Variants in PPP3CA observed in about 807,000 individuals in gnomAD.
PPP3CA encodes the protein protein phosphatase 3 catalytic subunit alpha.
A neutral mutation model predicts 66.5 loss-of-function variants in PPP3CA; 14 were observed. The ratio of observed to expected loss-of-function variants is 0.21; its 90% CI spans 0.14 to 0.33. PPP3CA has a LOEUF of 0.33. Among genes scored for constraint, PPP3CA ranks in the 10% least tolerant of loss-of-function variants. The pLI is 1.00. For missense variants in PPP3CA, 317 were observed against 639.5 expected, an observed-to-expected ratio of 0.50 and a Z score of 5.44; for synonymous variants, 232 against 226.2, an observed-to-expected ratio of 1.03 and a Z score of -0.23.
intron 1 of PPP3CA, among the ~76,000 whole-genome samples, chr4:101,307,168 C>CA (rs1331785893): frequency 0.096 from 7,443 of 77,132 alleles, 442 homozygotes; most frequent in African/African-American, 0.23. Context: ...CACTTTGAAC[C>CA]AAAAAAAAAA....
chr4:101,161,557 C>T (rs1723508205), intron 2 of PPP3CA, among the ~76,000 whole-genome samples: 1 of 152,070 alleles, frequency 6.6e-6, no homozygotes, highest in African/African-American at 2.4e-5. Flanking sequence ...GATTCATTAG[C>T]TCTAGAAGAC....
chr4:101,071,120 C>A (rs1728899215), intron 8 of PPP3CA, among the ~76,000 whole-genome samples: 1 of 152,230 alleles, frequency 6.6e-6, no homozygotes, highest in East Asian at 1.9e-4. Context: ...TCACCTTGCT[C>A]TCATTCAGTG....
chr4:101,187,446 G>A (rs1158456738), intron 2 of PPP3CA, among the ~76,000 whole-genome samples: 4 of 152,002 alleles, frequency 2.6e-5, no homozygotes, highest in Non-Finnish European at 5.9e-5. Flanking sequence ...CCTCAATTCA[G>A]AGTCTCAAGT....
chr4:101,344,620 G>A (rs925207176), intron 1 of PPP3CA, among the ~76,000 whole-genome samples: 9 of 152,240 alleles, frequency 5.9e-5, no homozygotes, highest in African/African-American at 1.4e-4. Flanking sequence ...AAAATGAAAA[G>A]TCATTTATAA....
intron 1 of PPP3CA, among the ~76,000 whole-genome samples, chr4:101,287,045 T>C (rs1295564331): frequency 6.6e-6 from 1 of 151,854 alleles, no homozygotes; most frequent in Non-Finnish European, 1.5e-5. Flanking sequence ...AAAAAAAGTA[T>C]GTGTGTAATA....
chr4:101,198,102 A>G (rs1275202490), intron 1 of PPP3CA, among the ~76,000 whole-genome samples: 1 of 152,182 alleles, frequency 6.6e-6, no homozygotes, highest in Admixed American at 6.5e-5. Context: ...AATGCCAAAG[A>G]ATAGTAAGTA....
chr4:101,061,052 C>A, intron 10 of PPP3CA, 35 bp downstream of exon 10: 2 of 1,551,442 alleles, frequency 1.3e-6, no homozygotes, highest in Non-Finnish European at 1.8e-6. Context: ...AATTATCTGG[C>A]AAATAGCATT....
chr4:101,306,992 T>C (rs1262494550), intron 1 of PPP3CA, among the ~76,000 whole-genome samples: 1 of 152,130 alleles, frequency 6.6e-6, no homozygotes, highest in Admixed American at 6.5e-5. Flanking sequence ...AAGGATTATA[T>C]CTGAGGGAAT....
At position 101,241,427 on chromosome 4, in the gene PPP3CA, C is replaced by T. The variant is rs144363847; in HGVS notation, c.59-45311G>A. Among the ~76,000 whole-genome samples, 241 of 151,496 alleles carry T rather than the reference C, an allele frequency of 1.6e-3. 1 individual carries two copies. Among genetic ancestry groups the T allele is most frequent in the African/African-American group, 5.5e-3 (228 of 41,342 alleles). ...GTGATATTAATGTTGCTAACTCTAA[C>T]GAAAAAAGAAAGCGCTCAACAAATA... On this transcript the variant is annotated intron_variant, in intron 1 of 13. Transcript: ENST00000394854.
intron 1 of PPP3CA, among the ~76,000 whole-genome samples, chr4:101,264,147 T>C (rs1396472853): frequency 6.6e-6 from 1 of 152,236 alleles, no homozygotes; most frequent in Non-Finnish European, 1.5e-5. Flanking sequence ...CATAAAGTTC[T>C]TCATTTACAT....
At chr4:101,160,031 T>C (rs538678047) in intron 2 of PPP3CA, among the ~76,000 whole-genome samples, 3 of 152,116 alleles carry the variant, frequency 2.0e-5, no homozygotes, top group Non-Finnish European at 2.9e-5. Context: ...ATCATTATAA[T>C]AATCAAGCTA....
intron 8 of PPP3CA, among the ~76,000 whole-genome samples, chr4:101,074,232 C>T (rs1346818149): frequency 2.6e-5 from 4 of 152,110 alleles, no homozygotes; most frequent in Non-Finnish European, 2.9e-5. Context: ...GTGGTGGAAA[C>T]AGATATGCTA....
intron 2 of PPP3CA, among the ~76,000 whole-genome samples, chr4:101,143,753 T>C (rs1375474157): frequency 6.6e-6 from 1 of 152,202 alleles, no homozygotes; most frequent in Non-Finnish European, 1.5e-5. Context: ...GTCTACACAA[T>C]GATAGCTCCA....
At chr4:101,279,530 C>G (rs1211702183) in intron 1 of PPP3CA, among the ~76,000 whole-genome samples, 2 of 152,126 alleles carry the variant, frequency 1.3e-5, no homozygotes, top group Non-Finnish European at 2.9e-5. Context: ...TCCCATGACT[C>G]ACATGGGATA....
intron 1 of PPP3CA, among the ~76,000 whole-genome samples, chr4:101,283,481 GTAAA>G (rs1167061575): frequency 6.6e-6 from 1 of 152,110 alleles, no homozygotes; most frequent in Non-Finnish European, 1.5e-5. Flanking sequence ...AATAAAAAAG[GTAAA>G]TAAGTCAGGT....
intron 1 of PPP3CA, among the ~76,000 whole-genome samples, chr4:101,303,445 C>A (rs1313631670): frequency 6.6e-6 from 1 of 152,042 alleles, no homozygotes; most frequent in Non-Finnish European, 1.5e-5. Flanking sequence ...TATGTACCTA[C>A]ATATCTACAA....
At chr4:101,282,342 T>C (rs184045067) in intron 1 of PPP3CA, among the ~76,000 whole-genome samples, 9 of 152,254 alleles carry the variant, frequency 5.9e-5, no homozygotes, top group Admixed American at 5.2e-4. Context: ...ATTAGATGAG[T>C]GAAATGTGAT....
intron 8 of PPP3CA, among the ~76,000 whole-genome samples, chr4:101,074,013 G>A (rs188426414): frequency 8.5e-5 from 13 of 152,248 alleles, no homozygotes; most frequent in East Asian, 3.9e-4. Flanking sequence ...CTGTTGTTAC[G>A]GGGCAAAGTC....
intron 2 of PPP3CA, among the ~76,000 whole-genome samples, chr4:101,183,288 G>A (rs1297922667): frequency 1.3e-5 from 2 of 152,110 alleles, no homozygotes; most frequent in African/African-American, 4.8e-5. Flanking sequence ...GTATTGGCAA[G>A]AAGGGGAAAG....
Sources: allele counts gnomAD v4.1 joint callset (sites outside exome capture counted in the v4.1 genomes callset), GRCh38; gene constraint gnomAD v4.1.1; transcripts MANE v1.5; gene names NCBI Gene and HGNC (gene_info 2026-07-23, HGNC 2026-07-21).